SCHIP1: variants seen among roughly 807,000 people sequenced by gnomAD.
SCHIP1 encodes the protein schwannomin interacting protein 1.
A neutral mutation model predicts 29.7 loss-of-function variants in SCHIP1; 8 were observed. The ratio of observed to expected loss-of-function variants is 0.27; its 90% CI spans 0.16 to 0.49. SCHIP1 has a LOEUF of 0.49. Ranked by LOEUF, SCHIP1 falls within the 20% of genes least tolerant of loss-of-function variation. SCHIP1 has a pLI of 0.99. For synonymous variants in SCHIP1, 76 were observed against 94.9 expected (o/e 0.80, Z 1.16); for missense variants, 193 against 294.6 (o/e 0.66, Z 2.52).
At chr3:159,894,251 C>T (rs1717841500) in intron 6 of SCHIP1, 1 of 152,202 alleles carries the variant, frequency 6.6e-6, no homozygotes, top group Non-Finnish European at 1.5e-5. Flanking sequence ...TTGGATGATG[C>T]TTCTTTGGAG....
At chr3:159,615,487 A>G in the SCHIP1 span, among the ~76,000 whole-genome samples, 2 of 152,246 alleles carry the variant, frequency 1.3e-5, no homozygotes, top group African/African-American at 4.8e-5. Context: ...AAGTCAATTG[A>G]GAGAGCTACA....
chr3:159,659,711 T>C, the SCHIP1 span, among the ~76,000 whole-genome samples: 5 of 152,110 alleles, frequency 3.3e-5, no homozygotes, highest in Admixed American at 6.6e-5. Flanking sequence ...TCATGCCTTT[T>C]TGTGGTGATT....
chr3:159,895,352 A>G (rs1717959243), intron 6 of SCHIP1, among the ~76,000 whole-genome samples: 2 of 152,220 alleles, frequency 1.3e-5, no homozygotes, highest in Admixed American at 1.3e-4. Context: ...CACATTCTGC[A>G]TAAAACCAGT....
the SCHIP1 span, among the ~76,000 whole-genome samples, chr3:159,631,956 T>C: frequency 6.6e-6 from 1 of 152,160 alleles, no homozygotes; most frequent in Non-Finnish European, 1.5e-5. Context: ...TTTGTATTCT[T>C]TTTTCCTTAA....
At chr3:159,632,850 G>A in the SCHIP1 span, among the ~76,000 whole-genome samples, 1 of 152,190 alleles carries the variant, frequency 6.6e-6, no homozygotes, top group African/African-American at 2.4e-5. Context: ...AAGGTGGGGA[G>A]ATGTGGACCC....
At chr3:159,409,623 A>C in the SCHIP1 span, among the ~76,000 whole-genome samples, 1 of 152,122 alleles carries the variant, frequency 6.6e-6, no homozygotes, top group Non-Finnish European at 1.5e-5. Context: ...GAATGATGAA[A>C]GAAATGGAAG....
the SCHIP1 span, among the ~76,000 whole-genome samples, chr3:159,832,348 G>A: frequency 2.0e-5 from 3 of 151,984 alleles, no homozygotes; most frequent in African/African-American, 7.3e-5. Flanking sequence ...TCTAGCACCT[G>A]GCCCTTATTT....
the SCHIP1 span, among the ~76,000 whole-genome samples, chr3:159,408,098 A>G: frequency 1.3e-5 from 2 of 152,132 alleles, no homozygotes; most frequent in African/African-American, 4.8e-5. Context: ...GGAGATCGAG[A>G]CCATCCTGGC....
At chr3:159,339,391 C>T in the SCHIP1 span, among the ~76,000 whole-genome samples, 2 of 152,216 alleles carry the variant, frequency 1.3e-5, no homozygotes, top group South Asian at 2.1e-4. Context: ...GCTGTTAGTC[C>T]CTGTCAGCAG....
the SCHIP1 span, among the ~76,000 whole-genome samples, chr3:159,415,849 G>T: frequency 2.0e-5 from 3 of 152,132 alleles, no homozygotes; most frequent in African/African-American, 7.2e-5. Flanking sequence ...ACTCAATATT[G>T]TTATTACTAA....
the SCHIP1 span, among the ~76,000 whole-genome samples, chr3:159,646,841 G>C: frequency 6.6e-6 from 1 of 152,048 alleles, no homozygotes; most frequent in African/African-American, 2.4e-5. Context: ...AAAAAGAGCT[G>C]AAAAGGCAGG....
chr3:159,475,240 C>T, the SCHIP1 span, among the ~76,000 whole-genome samples: 1 of 152,056 alleles, frequency 6.6e-6, no homozygotes, highest in East Asian at 1.9e-4. Flanking sequence ...TATCATTCAG[C>T]CATAAAACAG....
chr3:159,742,941 C>G, the SCHIP1 span, among the ~76,000 whole-genome samples: 3 of 151,370 alleles, frequency 2.0e-5, no homozygotes, highest in African/African-American at 7.3e-5. Context: ...CACACCTCGG[C>G]CTCCCAAAGT....
the SCHIP1 span, among the ~76,000 whole-genome samples, chr3:159,426,468 C>A: frequency 6.6e-5 from 10 of 152,260 alleles, no homozygotes; most frequent in South Asian, 1.9e-3. Context: ...CATACACTCT[C>A]CCAAGACTAA....
the SCHIP1 span, among the ~76,000 whole-genome samples, chr3:159,646,435 T>C: frequency 6.6e-6 from 1 of 152,108 alleles, no homozygotes; most frequent in Admixed American, 6.6e-5. Flanking sequence ...CAGACTTTCT[T>C]AGAGCTGTAC....
chr3:159,277,527 A>T, the SCHIP1 span, among the ~76,000 whole-genome samples: 1 of 152,164 alleles, frequency 6.6e-6, no homozygotes, highest in East Asian at 1.9e-4. Flanking sequence ...GCTAGAAACC[A>T]ATTTACTGAC....
chr3:159,612,670 C>T, the SCHIP1 span, among the ~76,000 whole-genome samples: 2 of 152,094 alleles, frequency 1.3e-5, no homozygotes, highest in Admixed American at 6.5e-5. Context: ...TTGCTTGAAC[C>T]GGGGAGGCGG....
At chr3:159,299,584 G>T in the SCHIP1 span, among the ~76,000 whole-genome samples, 1 of 152,282 alleles carries the variant, frequency 6.6e-6, no homozygotes, top group South Asian at 2.1e-4. Flanking sequence ...AGAAAAATGT[G>T]TGTTCCTCAT....
At chr3:159,855,673 T>A (rs549078655) in intron 1 of SCHIP1, among the ~76,000 whole-genome samples, 1 of 151,634 alleles carries the variant, frequency 6.6e-6, no homozygotes, top group East Asian at 1.9e-4. Context: ...ATTTTTTTTT[T>A]ATCTCCTGTG....
Sources: allele counts gnomAD v4.1 joint callset (sites outside exome capture counted in the v4.1 genomes callset), GRCh38; gene constraint gnomAD v4.1.1; transcripts MANE v1.5; gene names NCBI Gene and HGNC (gene_info 2026-07-23, HGNC 2026-07-21).